SAMMSON: variants seen among roughly 807,000 people sequenced by gnomAD.
SAMMSON encodes the protein survival associated mitochondrial melanoma specific oncogenic non-coding RNA.
chr3:70,350,318 A>C lies in SAMMSON; in HGVS notation n.740-3857A>C, dbSNP rs570759967. Among the ~76,000 whole-genome samples, 4 of 152,178 alleles carry C rather than the reference A, an allele frequency of 2.6e-5. No individual in the cohort carries two copies. In the South Asian group the frequency reaches 8.3e-4, roughly 31 times the overall value. ...CCTTTTTTTGCATGTAGGTACATTG[A>C]AATTCCAAATAACAATTATCTTCTA... On this transcript the variant is annotated intron_variant and non_coding_transcript_variant, in intron 7 of 9. Coordinates refer to ENST00000642114, the Ensembl canonical transcript of SAMMSON.
intron 2 of SAMMSON, among the ~76,000 whole-genome samples, chr3:70,404,184 T>C (rs529871407): frequency 6.6e-6 from 1 of 152,214 alleles, no homozygotes; most frequent in East Asian, 1.9e-4. Flanking sequence ...CTTATGATCA[T>C]TATAATGGTG....
At chr3:70,166,843 C>T (rs2067639354) in intron 4 of SAMMSON, among the ~76,000 whole-genome samples, 1 of 151,818 alleles carries the variant, frequency 6.6e-6, no homozygotes, top group African/African-American at 2.4e-5. Context: ...AACAGATTTT[C>T]CTTTCCTTGC....
downstream of SAMMSON, among the ~76,000 whole-genome samples, chr3:70,393,187 A>G (rs1701063844): frequency 6.6e-6 from 1 of 152,164 alleles, no homozygotes. Context: ...ATGTTCACTT[A>G]TTATTGGCAC....
intron 6 of SAMMSON, among the ~76,000 whole-genome samples, chr3:70,274,638 C>CGGTGGGGA (rs1334339977): frequency 6.6e-6 from 1 of 151,918 alleles, no homozygotes; most frequent in African/African-American, 2.4e-5. Context: ...GGGGATGGAG[C>CGGTGGGGA]GGTGGGGAGG....
At chr3:70,264,629 C>T (rs1463284441) in intron 6 of SAMMSON, among the ~76,000 whole-genome samples, 3 of 152,250 alleles carry the variant, frequency 2.0e-5, no homozygotes, top group Non-Finnish European at 1.5e-5. Context: ...CAAATGTTTA[C>T]TGAGCACTGA....
intron 4 of SAMMSON, among the ~76,000 whole-genome samples, chr3:70,246,810 A>G (rs1701711698): frequency 6.6e-6 from 1 of 152,086 alleles, no homozygotes; most frequent in African/African-American, 2.4e-5. Flanking sequence ...AAAAAAACCC[A>G]ATAGACCTTT....
At chr3:70,015,326 T>C (rs1319590790) in intron 3 of SAMMSON, 1 of 151,588 alleles carries the variant, frequency 6.6e-6, no homozygotes, top group Non-Finnish European at 1.5e-5. Flanking sequence ...AAAACCATCT[T>C]GGGACTTCCC....
intron 6 of SAMMSON, among the ~76,000 whole-genome samples, chr3:70,263,771 G>C (rs184690815): frequency 3.0e-4 from 45 of 152,092 alleles, no homozygotes; most frequent in Admixed American, 2.6e-3. Flanking sequence ...CTTCATCTCA[G>C]TAACACTGTC....
At chr3:70,314,723 G>T (rs1286332617) in intron 7 of SAMMSON, among the ~76,000 whole-genome samples, 3 of 152,042 alleles carry the variant, frequency 2.0e-5, no homozygotes, top group Admixed American at 1.3e-4. Context: ...TTCCTCAGCA[G>T]AAATATATAT....
At chr3:70,241,123 T>C (rs1053955643) in intron 4 of SAMMSON, among the ~76,000 whole-genome samples, 2 of 152,146 alleles carry the variant, frequency 1.3e-5, no homozygotes, top group Non-Finnish European at 2.9e-5. Context: ...TGGAGTACCA[T>C]AAATGACATA....
At chr3:70,430,828 T>C (rs914778457) in intron 2 of SAMMSON, among the ~76,000 whole-genome samples, 3 of 152,160 alleles carry the variant, frequency 2.0e-5, no homozygotes, top group African/African-American at 7.2e-5. Flanking sequence ...TGTGCCTCAA[T>C]TGCAATATAG....
chr3:70,074,160 G>A (rs753407574), intron 4 of SAMMSON, among the ~76,000 whole-genome samples: 25 of 152,018 alleles, frequency 1.6e-4, no homozygotes, highest in Non-Finnish European at 2.5e-4. Flanking sequence ...TTGGAATTAC[G>A]TAATTCTTAT....
At chr3:70,016,713 G>A (rs944193179) in intron 3 of SAMMSON, among the ~76,000 whole-genome samples, 1 of 152,054 alleles carries the variant, frequency 6.6e-6, no homozygotes, top group Non-Finnish European at 1.5e-5. Context: ...GGTTTTTATG[G>A]TTTTAGGTCT....
chr3:70,196,150 T>G (rs1470774822), intron 4 of SAMMSON, among the ~76,000 whole-genome samples: 1 of 152,190 alleles, frequency 6.6e-6, no homozygotes, highest in Non-Finnish European at 1.5e-5. Flanking sequence ...ATTGAGATTT[T>G]TTTGAAACTT....
chr3:70,117,732 C>T (rs890843565), intron 4 of SAMMSON, among the ~76,000 whole-genome samples: 1 of 152,096 alleles, frequency 6.6e-6, no homozygotes, highest in African/African-American at 2.4e-5. Flanking sequence ...TTGTCCTGAT[C>T]TCAATTTAGA....
chr3:70,170,802 T>C (rs1412549178), intron 4 of SAMMSON, among the ~76,000 whole-genome samples: 1 of 151,846 alleles, frequency 6.6e-6, no homozygotes, highest in Non-Finnish European at 1.5e-5. Context: ...ATAAGAAAAA[T>C]TAGCGAGTGC....
At chr3:70,416,026 C>A (rs1006451879) in intron 2 of SAMMSON, among the ~76,000 whole-genome samples, 1 of 152,020 alleles carries the variant, frequency 6.6e-6, no homozygotes. Context: ...TAGATAGAAA[C>A]CTAAGCAAAT....
intron 4 of SAMMSON, among the ~76,000 whole-genome samples, chr3:70,220,174 T>A (rs1047098685): frequency 6.6e-6 from 1 of 152,132 alleles, no homozygotes; most frequent in Admixed American, 6.5e-5. Flanking sequence ...TTTGAGAGAA[T>A]AAGGTTATAT....
chr3:70,081,777 G>A (rs965090991), intron 4 of SAMMSON, among the ~76,000 whole-genome samples: 72 of 152,270 alleles, frequency 4.7e-4, no homozygotes, highest in African/African-American at 1.5e-3. Context: ...AAAGTACAAT[G>A]AACAATCAAT....
Sources: gnomAD v4.1 joint callset for allele counts (sites outside exome capture counted in the v4.1 genomes callset) on GRCh38, gnomAD v4.1.1 for gene constraint, MANE v1.5 for transcripts, NCBI Gene and HGNC (gene_info 2026-07-23, HGNC 2026-07-21) for gene names.